Variants in SPATA16 observed in about 807,000 individuals in gnomAD.
The protein encoded by SPATA16 is spermatogenesis associated 16, also known as spermatogenesis-associated protein 16.
A neutral mutation model predicts 63.3 loss-of-function variants in SPATA16; 36 were observed. The observed-to-expected ratio is 0.57, with a 90% CI of 0.44 to 0.75. The LOEUF is 0.75. Ranked by LOEUF, SPATA16 falls within the 30% of genes least tolerant of loss-of-function variation. SPATA16 has a pLI of 0.00. For synonymous variants in SPATA16, 203 were observed against 216.7 expected (o/e 0.94, Z 0.56); for missense variants, 646 against 679.3 (o/e 0.95, Z 0.54).
intron 5 of SPATA16, among the ~76,000 whole-genome samples, chr3:172,974,961 T>TA (rs1241489888): frequency 6.6e-6 from 1 of 152,122 alleles, no homozygotes; most frequent in African/African-American, 2.4e-5. Flanking sequence ...AAACAGGGAA[T>TA]ACAAAAAGAA....
intron 6 of SPATA16, among the ~76,000 whole-genome samples, chr3:172,942,995 G>A (rs34192162): frequency 0.088 from 13,327 of 152,072 alleles, 1,950 homozygotes; most frequent in African/African-American, 0.3. Context: ...TACAATGAAA[G>A]TGTTTTTCAA....
chr3:173,040,615 A>G (rs1735817314), intron 3 of SPATA16, among the ~76,000 whole-genome samples: 1 of 152,202 alleles, frequency 6.6e-6, no homozygotes, highest in African/African-American at 2.4e-5. Context: ...CAATGCTACC[A>G]TAACCTGCAA....
rs538051918 is a variant in SPATA16 at position 173,022,155 on chromosome 3, A to G, written c.759-2580T>C. On this transcript the variant is annotated intron_variant, in intron 3 of 10. Transcript: ENST00000351008. ...TGGTGAGGTTGACACTATCGGAACC[A>G]TTACAGTGTGATTTATAAAAAGATA... Among the ~76,000 whole-genome samples the G allele has an allele frequency of 3.9e-5, 6 of 152,194 alleles. No individual in the cohort carries two copies. The South Asian group carries it at 1.2e-3, about 32-fold the overall frequency.
chr3:172,898,900 T>C (rs1269854924), intron 10 of SPATA16, among the ~76,000 whole-genome samples: 1 of 151,914 alleles, frequency 6.6e-6, no homozygotes, highest in Non-Finnish European at 1.5e-5. Flanking sequence ...CAAATTTTGA[T>C]ATATTTTCAT....
intron 8 of SPATA16, 152 bp downstream of exon 8, chr3:172,924,056 A>G (rs1732672833): frequency 1.6e-6 from 1 of 616,462 alleles, no homozygotes; most frequent in East Asian, 2.9e-5. Context: ...TAAAATCATT[A>G]GCTAAAATTT....
intron 6 of SPATA16, among the ~76,000 whole-genome samples, chr3:172,951,652 T>G (rs574271440): frequency 3.0e-4 from 46 of 152,280 alleles, no homozygotes; most frequent in African/African-American, 1.0e-3. Flanking sequence ...ACCTCCATTG[T>G]GAATACTCTC....
chr3:172,960,483 A>T (rs1733723666), intron 5 of SPATA16, among the ~76,000 whole-genome samples: 1 of 152,230 alleles, frequency 6.6e-6, no homozygotes. Context: ...TGTAAAGCTC[A>T]TAATTTAGTT....
chr3:173,048,698 T>G (rs1736011510), intron 3 of SPATA16, among the ~76,000 whole-genome samples: 1 of 152,196 alleles, frequency 6.6e-6, no homozygotes, highest in Non-Finnish European at 1.5e-5. Context: ...CGCAGCAATT[T>G]GCTTCTGCAG....
chr3:173,105,900 C>G (rs377529529), intron 2 of SPATA16, among the ~76,000 whole-genome samples: 1 of 151,312 alleles, frequency 6.6e-6, no homozygotes, highest in Non-Finnish European at 1.5e-5. Flanking sequence ...TATCTGGATA[C>G]GTAACAAAGT....
chr3:173,003,098 A>G (rs909053093), intron 4 of SPATA16, among the ~76,000 whole-genome samples: 5 of 152,204 alleles, frequency 3.3e-5, no homozygotes, highest in Non-Finnish European at 4.4e-5. Context: ...AAAAGACACC[A>G]TGAAGTTATC....
intron 10 of SPATA16, among the ~76,000 whole-genome samples, chr3:172,897,432 T>C (rs1281154244): frequency 6.6e-6 from 1 of 152,154 alleles, no homozygotes; most frequent in African/African-American, 2.4e-5. Flanking sequence ...ATAAACACAG[T>C]ATATCTCTCC....
intron 4 of SPATA16, among the ~76,000 whole-genome samples, chr3:173,005,760 C>G (rs1417184674): frequency 1.3e-5 from 2 of 152,038 alleles, no homozygotes; most frequent in Non-Finnish European, 2.9e-5. Flanking sequence ...TATCAACAGC[C>G]TGAGTTTTTA....
At chr3:172,928,929 A>G (rs1732801282) in intron 6 of SPATA16, among the ~76,000 whole-genome samples, 1 of 152,138 alleles carries the variant, frequency 6.6e-6, no homozygotes, top group African/African-American at 2.4e-5. Context: ...GTGGTCTATG[A>G]CCCAAAATGA....
intron 2 of SPATA16, among the ~76,000 whole-genome samples, chr3:173,107,703 A>G (rs953606688): frequency 6.6e-5 from 10 of 152,168 alleles, no homozygotes; most frequent in Non-Finnish European, 1.0e-4. Context: ...AGTGGATCTC[A>G]TCTACTCACT....
intron 3 of SPATA16, among the ~76,000 whole-genome samples, chr3:173,020,696 T>TA (rs1462969303): frequency 1.3e-5 from 2 of 152,214 alleles, no homozygotes; most frequent in East Asian, 3.8e-4. Flanking sequence ...GTGTTTGATA[T>TA]AACAGGGTCA....
intron 6 of SPATA16, among the ~76,000 whole-genome samples, chr3:172,948,545 G>A (rs1463747911): frequency 1.3e-5 from 2 of 152,132 alleles, no homozygotes; most frequent in Admixed American, 1.3e-4. Flanking sequence ...ATGGCTCACT[G>A]CAGCCTTGAC....
At chr3:173,064,927 T>C (rs910390963) in intron 2 of SPATA16, among the ~76,000 whole-genome samples, 6 of 152,186 alleles carry the variant, frequency 3.9e-5, no homozygotes, top group African/African-American at 1.4e-4. Context: ...GAATTTCTTT[T>C]CTAAATTTCT....
intron 1 of SPATA16, among the ~76,000 whole-genome samples, chr3:173,139,034 A>T (rs1738628139): frequency 6.6e-6 from 1 of 152,208 alleles, no homozygotes; most frequent in Non-Finnish European, 1.5e-5. Flanking sequence ...TGGAATTCTG[A>T]TATCAGTCAT....
intron 2 of SPATA16, among the ~76,000 whole-genome samples, chr3:173,074,111 G>A (rs28754935): frequency 0.18 from 28,077 of 152,100 alleles, 2,938 homozygotes; most frequent in African/African-American, 0.29. Context: ...CAATGCCTAT[G>A]CTCTCACTAT....
Sources: gnomAD v4.1 joint callset for allele counts (sites outside exome capture counted in the v4.1 genomes callset) on GRCh38, gnomAD v4.1.1 for gene constraint, MANE v1.5 for transcripts, NCBI Gene and HGNC (gene_info 2026-07-23, HGNC 2026-07-21) for gene names.